The following DCUN1D5 variants were observed in gnomAD, a reference collection of about 807,000 sequenced individuals.
DCUN1D5 encodes defective in cullin neddylation 1 domain containing 5, also known as DCN1-like protein 5.
DCUN1D5 carries 10 observed loss-of-function variants against 38.3 expected under a neutral mutation model. The ratio of observed to expected loss-of-function variants is 0.26; its 90% CI spans 0.16 to 0.44. The LOEUF (loss-of-function observed/expected upper bound fraction) is 0.44, where lower values mean the gene tolerates loss of function less well. Among genes scored for constraint, DCUN1D5 ranks in the 20% least tolerant of loss-of-function variants. The pLI, the probability that DCUN1D5 is intolerant of heterozygous loss-of-function variation, is 1.00. For synonymous variants in DCUN1D5, 93 were observed against 90.9 expected, an observed-to-expected ratio of 1.02 and a Z score of -0.13; for missense variants, 148 against 275.3, an observed-to-expected ratio of 0.54 and a Z score of 3.27.
intron 4 of DCUN1D5, among the ~76,000 whole-genome samples, chr11:103,079,633 A>T (rs1308395949): frequency 6.6e-6 from 1 of 151,670 alleles, no homozygotes; most frequent in African/African-American, 2.4e-5. Flanking sequence ...CTCAAAAAAA[A>T]AATAGCCAGG....
rs1862475069 is a variant in DCUN1D5, at chr11:103,078,788, T to C, written c.341+3960A>G. ...CACAATTTCCCTCTTCTGAAACATT[T>C]TCCTGTATCCTCAACAAACAAAATC... On this transcript the variant is annotated intron_variant, in intron 4 of 7. Coordinates refer to ENST00000260247, the MANE Select transcript of DCUN1D5 (RefSeq NM_032299.4). This position sits in a 1 kb window ranked among gnomAD's most constrained non-coding sequence, Gnocchi z 4.6. Among the ~76,000 whole-genome samples, 1 of 152,242 alleles carries C rather than the reference T, an allele frequency of 6.6e-6. No homozygotes were observed. The highest frequency in any genetic ancestry group is 1.5e-5 in the Non-Finnish European group (1 of 68,040).
chr11:103,069,084 C>A (rs925838362), intron 4 of DCUN1D5, among the ~76,000 whole-genome samples: 5 of 152,054 alleles, frequency 3.3e-5, no homozygotes, highest in African/African-American at 1.2e-4. Flanking sequence ...TGGGATGCAG[C>A]CAATGAACTT....
chr11:103,070,701 T>G (rs190641500), intron 4 of DCUN1D5, among the ~76,000 whole-genome samples: 21 of 152,218 alleles, frequency 1.4e-4, no homozygotes, highest in Admixed American at 3.9e-4. Flanking sequence ...CACAGAGAAT[T>G]TAACATCATC....
rs1368769591 is a variant in DCUN1D5 at position 103,071,924 on chromosome 11, A to G, written c.342-5357T>C. On this transcript the variant is annotated intron_variant, in intron 4 of 7. Coordinates refer to ENST00000260247, the MANE Select transcript of DCUN1D5 (RefSeq NM_032299.4). The surrounding 1 kb of genome is among the most constrained non-coding windows in gnomAD (Gnocchi z 4.1). ...ATTTAAAAAAAGAAAAATTTATTTA[A>G]TAAAGCCAGTATTACTTGATACCAA... Among the ~76,000 whole-genome samples the G allele has an allele frequency of 6.6e-6, 1 of 151,616 alleles. No homozygotes were observed. The highest frequency in any genetic ancestry group is 1.5e-5 in the Non-Finnish European group (1 of 67,848).
intron 1 of DCUN1D5, 93 bp from the exon 2 acceptor site, chr11:103,089,411 A>C: frequency 8.7e-7 from 1 of 1,147,796 alleles, no homozygotes; most frequent in Non-Finnish European, 1.2e-6. Context: ...TTCACATTAA[A>C]CAAAGGTTTT....
rs1015755953 is a variant in DCUN1D5, at chr11:103,092,071, G to C, written c.-199C>G. ...CGTCGTCTTTCTCTGACCGGGACAG[G>C]GCTGGCTCCTCGCCGGTGGACACTG... is the stretch of plus-strand genomic sequence containing the variant. On this transcript the variant is annotated 5_prime_UTR_variant, in exon 1 of 8. Coordinates refer to ENST00000260247, the MANE Select transcript of DCUN1D5 (RefSeq NM_032299.4). The C allele has an allele frequency of 3.5e-6, 2 of 577,220 alleles. No individual in the cohort carries two copies. Among genetic ancestry groups the C allele is most frequent in the Admixed American group, 6.4e-5 (2 of 31,282 alleles). 35.8% of individuals were successfully genotyped at this position (577,220 alleles called of 1,614,324 possible).
chr11:103,070,055 A>T (rs919373487), intron 4 of DCUN1D5, among the ~76,000 whole-genome samples: 13 of 152,082 alleles, frequency 8.5e-5, no homozygotes, highest in African/African-American at 2.9e-4. Context: ...GCTATCACAC[A>T]AATGCTTCAA....
intron 4 of DCUN1D5, among the ~76,000 whole-genome samples, chr11:103,075,579 A>G (rs564741855): frequency 3.5e-4 from 53 of 152,212 alleles, no homozygotes; most frequent in Admixed American, 7.8e-4. Flanking sequence ...ACGGGGTTTC[A>G]CCAAGTCAGC....
In DCUN1D5 at chr11:103,064,422, C is replaced by T; in HGVS notation, c.556-45G>A. 1 of 1,418,196 alleles carries T rather than the reference C, an allele frequency of 7.1e-7. No homozygotes were observed. The allele number at this position is 1,418,196 out of a possible 1,614,324, so 87.9% of individuals were successfully genotyped here. On this transcript the variant is annotated intron_variant, in intron 6 of 7. Transcript: ENST00000260247. The surrounding 1 kb of genome is among the most constrained non-coding windows in gnomAD (Gnocchi z 4.5). ...ATTTGTATTTAAATATTTAAACAAACATCATTTACTCAATTTAGTAAACTA... is the reference window on the plus strand; with the variant it reads ...ATTTGTATTTAAATATTTAAACAAATATCATTTACTCAATTTAGTAAACTA...
intron 2 of DCUN1D5, 115 bp downstream of exon 2, chr11:103,089,112 C>T: frequency 9.8e-7 from 1 of 1,020,008 alleles, no homozygotes; most frequent in Non-Finnish European, 1.4e-6. Context: ...TGACCCTCAT[C>T]CCAGTACACA....
Position 103,058,286 on chromosome 11 carries a change from A to C in DCUN1D5, c.*4073T>G, listed in dbSNP as rs536752766. 6.6e-6 allele frequency among the ~76,000 whole-genome samples: 1 copy of C among 152,348 alleles called. No individual in the cohort carries two copies. The highest frequency in any genetic ancestry group is 2.4e-5 in the African/African-American group (1 of 41,590). On this transcript the variant is annotated 3_prime_UTR_variant, in exon 8 of 8. Coordinates refer to ENST00000260247, the MANE Select transcript of DCUN1D5 (RefSeq NM_032299.4). ...ATGGTCACACCAATAACAACTGGTC[A>C]GGAAAAGGAGCAAAGGAAACACTAT...
rs1474982977 is a variant in DCUN1D5 at position 103,057,466 on chromosome 11, G to A, written c.*4893C>T. Among the ~76,000 whole-genome samples the A allele has an allele frequency of 6.6e-6, 1 of 151,936 alleles. No homozygotes were observed. Among genetic ancestry groups the A allele is most frequent in the East Asian group, 1.9e-4 (1 of 5,178 alleles). Reference sequence around the variant, plus strand: ...CACCTGTAATCCCAGCACTTTGGGAGTCTGAGGTGGGTGGGATCACTTGAG... The same window carrying A: ...CACCTGTAATCCCAGCACTTTGGGAATCTGAGGTGGGTGGGATCACTTGAG... On this transcript the variant is annotated 3_prime_UTR_variant, in exon 8 of 8. Coordinates refer to ENST00000260247, the MANE Select transcript of DCUN1D5 (RefSeq NM_032299.4). The surrounding 1 kb of genome is among the most constrained non-coding windows in gnomAD (Gnocchi z 4.8).
In DCUN1D5 at chr11:103,091,896, G is replaced by A. The variant is rs781335543; in HGVS notation, c.-24C>T. 1.0e-5 allele frequency: 16 copies of A among 1,606,058 alleles called. No homozygotes were observed. In the South Asian group the frequency reaches 1.7e-4, roughly 17 times the overall value. ...ATCTTCCGCCCTCCCCGGCAGGGTG[G>A]GCAGGGGAGCCGGGGAAGGGGGTCC... On this transcript the variant is annotated 5_prime_UTR_variant, in exon 1 of 8. Transcript: ENST00000260247. This position sits in a 1 kb window ranked among gnomAD's most constrained non-coding sequence, Gnocchi z 4.3.
intron 2 of DCUN1D5, among the ~76,000 whole-genome samples, chr11:103,088,601 A>G (rs1862774158): frequency 6.6e-6 from 1 of 152,212 alleles, no homozygotes. Context: ...TGACACTTTA[A>G]AAGCTGGGTT....
chr11:103,079,040 C>A (rs1053049309), intron 4 of DCUN1D5, among the ~76,000 whole-genome samples: 3 of 152,182 alleles, frequency 2.0e-5, no homozygotes, highest in African/African-American at 7.2e-5. Flanking sequence ...AGGAGGCAAG[C>A]GGCAGGCGAG....
chr11:103,090,775 G>A (rs1862840133), intron 1 of DCUN1D5, among the ~76,000 whole-genome samples: 1 of 152,146 alleles, frequency 6.6e-6, no homozygotes, highest in South Asian at 2.1e-4. Flanking sequence ...AGCAGGGCGT[G>A]GTGGCGGGCG....
In DCUN1D5 at chr11:103,061,243, C is replaced by T. The variant is rs895742400; in HGVS notation, c.*1116G>A. On this transcript the variant is annotated 3_prime_UTR_variant, in exon 8 of 8. Coordinates refer to ENST00000260247, the MANE Select transcript of DCUN1D5 (RefSeq NM_032299.4). Reference sequence around the variant, plus strand: ...ACCTCTTTACTTCTCTCTACTCAAACAATGACACTAGAAATGTTTCTGAAG... The same window carrying T: ...ACCTCTTTACTTCTCTCTACTCAAATAATGACACTAGAAATGTTTCTGAAG... 6.6e-6 allele frequency among the ~76,000 whole-genome samples: 1 copy of T among 152,128 alleles called. No individual in the cohort carries two copies. Among genetic ancestry groups the T allele is most frequent in the Middle Eastern group, 3.2e-3 (1 of 316 alleles).
chr11:103,051,966 C>G lies in DCUN1D5; in HGVS notation c.*10393G>C, dbSNP rs145093581. 1 of 152,184 alleles carries G rather than the reference C, an allele frequency of 6.6e-6. No homozygotes were observed. The highest frequency in any genetic ancestry group is 2.4e-5 in the African/African-American group (1 of 41,446). 9.4% of individuals were successfully genotyped at this position (152,184 alleles called of 1,614,324 possible). On this transcript the variant is annotated 3_prime_UTR_variant, in exon 8 of 8. Coordinates refer to ENST00000260247, the MANE Select transcript of DCUN1D5 (RefSeq NM_032299.4). Reference sequence around the variant, plus strand: ...AATCCACTTTGACTATTTCAGTCCACAGAACTCACTCTCCTCTGAACTCCT... The same window carrying G: ...AATCCACTTTGACTATTTCAGTCCAGAGAACTCACTCTCCTCTGAACTCCT...
chr11:103,050,843 T>C lies in DCUN1D5; in HGVS notation c.*11516A>G, dbSNP rs1861708133. The C allele has an allele frequency of 6.6e-6, 1 of 152,204 alleles. No individual in the cohort carries two copies. The highest frequency in any genetic ancestry group is 1.5e-5 in the Non-Finnish European group (1 of 68,036). 9.4% of individuals were successfully genotyped at this position (152,204 alleles called of 1,614,324 possible). A position where few individuals can be genotyped will look rare whatever the true frequency, so the allele number is the denominator to read the frequency against. On this transcript the variant is annotated 3_prime_UTR_variant, in exon 8 of 8. Transcript: ENST00000260247. ...GAGCTCACAGTTAAGAAAACAGATA[T>C]GTAAGTATGCTACTGTAATATGGTG...
Sources: allele counts gnomAD v4.1 joint callset (sites outside exome capture counted in the v4.1 genomes callset), GRCh38; gene constraint gnomAD v4.1.1; non-coding constraint Gnocchi (gnomAD v3.1); transcripts MANE v1.5; gene names NCBI Gene and HGNC (gene_info 2026-07-23, HGNC 2026-07-21).